The following CD99 variants were observed in gnomAD, a reference collection of about 807,000 sequenced individuals.
CD99 encodes the protein CD99 molecule (Xg blood group), also known as CD99 antigen.
Under a neutral mutation model 28.4 loss-of-function variants are expected in CD99, and 19 were observed. That is an observed-to-expected ratio of 0.67 (90% CI 0.47 to 0.98). CD99 has a LOEUF of 0.98. CD99 is among the 50% of genes least tolerant of loss of function. CD99 has a pLI of 0.00. For synonymous variants in CD99, 103 were observed against 92.1 expected (o/e 1.12, Z -0.67); for missense variants, 283 against 248.8 (o/e 1.14, Z -0.92).
In CD99 at chrX:2,736,214, A is replaced by G. The variant is rs755973171; in HGVS notation, c.476-1986A>G. Among the ~76,000 whole-genome samples the G allele has an allele frequency of 3.7e-4, 56 of 151,544 alleles. No individual in the cohort carries two copies. The East Asian group carries it at 9.3e-3, about 25-fold the overall frequency. ...AAGACTCTGTCTCAAAAAAAAAAAAAAAAGAAAAGAAAAAGAAAAGTTACG... is the reference window on the plus strand; with the variant it reads ...AAGACTCTGTCTCAAAAAAAAAAAAGAAAGAAAAGAAAAAGAAAAGTTACG... On this transcript the variant is annotated intron_variant, in intron 8 of 9. Coordinates refer to ENST00000381192, the MANE Select transcript of CD99 (RefSeq NM_002414.5).
intron 8 of CD99, among the ~76,000 whole-genome samples, chrX:2,728,416 G>A (rs186687487): frequency 0.01 from 1,548 of 151,846 alleles, 31 homozygotes; most frequent in African/African-American, 0.034. Context: ...GGCTGGTCTC[G>A]AACTCCTGAC....
At chrX:2,720,278 C>T in intron 4 of CD99, 78 bp from the exon 5 acceptor site, 3 of 1,290,254 alleles carry the variant, frequency 2.3e-6, no homozygotes, top group Non-Finnish European at 3.4e-6. Context: ...GTTCAGGGAA[C>T]CATCTGTGTG....
chrX:2,717,464 G>A (rs1308933733), intron 2 of CD99, 141 bp from the exon 3 acceptor site: 5 of 686,134 alleles, frequency 7.3e-6, no homozygotes, highest in Admixed American at 2.4e-5. Context: ...ACCTCAGCTC[G>A]GTGTGGGCAG....
At chrX:2,726,753 CCT>C (rs2124171582) in intron 8 of CD99, among the ~76,000 whole-genome samples, 1 of 152,226 alleles carries the variant, frequency 6.6e-6, no homozygotes, top group South Asian at 2.1e-4. Flanking sequence ...TCATTCCTGC[CCT>C]GTTATTTACA....
chrX:2,707,909 T>A (rs2048199860), intron 1 of CD99, among the ~76,000 whole-genome samples: 1 of 152,152 alleles, frequency 6.6e-6, no homozygotes, highest in Non-Finnish European at 1.5e-5. Flanking sequence ...CGCAATTTCC[T>A]GCCTACCACC....
chrX:2,718,377 T>TA (rs1405138176), intron 3 of CD99, among the ~76,000 whole-genome samples: 1 of 150,930 alleles, frequency 6.6e-6, no homozygotes, highest in Non-Finnish European at 1.5e-5. Context: ...TTCTTTTTTT[T>TA]TTTTTTTTTG....
At chrX:2,723,557 G>A (rs961433651) in intron 7 of CD99, 193 bp downstream of exon 7, 66 of 655,050 alleles carry the variant, frequency 1.0e-4, no homozygotes, top group African/African-American at 7.8e-4. Flanking sequence ...GCCCTGCTCC[G>A]GGTGCCCACG....
intron 5 of CD99, among the ~76,000 whole-genome samples, chrX:2,720,959 A>G (rs1190002079): frequency 2.6e-5 from 4 of 152,286 alleles, no homozygotes; most frequent in Non-Finnish European, 5.9e-5. Flanking sequence ...GTTCCATCTT[A>G]TGGAACTTCT....
intron 8 of CD99, among the ~76,000 whole-genome samples, chrX:2,735,926 G>A (rs963551874): frequency 4.6e-5 from 7 of 152,050 alleles, no homozygotes; most frequent in African/African-American, 1.7e-4. Flanking sequence ...CTGCTGGCTT[G>A]GCACGGTGGT....
intron 4 of CD99, 104 bp from the exon 5 acceptor site, chrX:2,720,252 C>G: frequency 2.0e-6 from 2 of 1,025,498 alleles, no homozygotes; most frequent in Non-Finnish European, 3.1e-6. Context: ...AGGACAAAGG[C>G]CAAGGTCCAA....
intron 1 of CD99, among the ~76,000 whole-genome samples, chrX:2,698,655 C>T (rs1174192252): frequency 6.6e-6 from 1 of 152,180 alleles, no homozygotes; most frequent in African/African-American, 2.4e-5. Context: ...TTTGTAGATA[C>T]AGAGTTTTGT....
chrX:2,698,672 G>A (rs2047691408), intron 1 of CD99, among the ~76,000 whole-genome samples: 1 of 152,036 alleles, frequency 6.6e-6, no homozygotes, highest in Admixed American at 6.5e-5. Flanking sequence ...TTGTTCTGTC[G>A]CCCAGGCTGG....
At chrX:2,735,511 C>G (rs311092) in intron 8 of CD99, among the ~76,000 whole-genome samples, 75,796 of 151,838 alleles carry the variant, frequency 0.5, 19,342 homozygotes, top group African/African-American at 0.61. Flanking sequence ...CTTTTCAATG[C>G]AGTTTTTCCC....
chrX:2,741,067 AGGCT>A lies in CD99; in HGVS notation c.*267_*270del. 1.9e-6 allele frequency: 1 copy of A among 537,534 alleles called. No individual in the cohort carries two copies. The highest frequency in any genetic ancestry group is 2.9e-5 in the East Asian group (1 of 34,058). The allele number at this position is 537,534 out of a possible 1,614,324, so 33.3% of individuals were successfully genotyped here. ...GGGGCGGTTTCCCATGGGATGTGAA[AGGCT>A]GGCCATTATTAAGTCCCTGTAACTC... On this transcript the variant is annotated 3_prime_UTR_variant, in exon 10 of 10. Transcript: ENST00000381192.
intron 1 of CD99, among the ~76,000 whole-genome samples, chrX:2,712,600 T>C (rs1243806414): frequency 3.9e-5 from 6 of 152,092 alleles, no homozygotes; most frequent in African/African-American, 1.4e-4. Flanking sequence ...GGAGCTGTAA[T>C]TGCATTTATG....
At chrX:2,706,354 T>A (rs311053) in intron 1 of CD99, among the ~76,000 whole-genome samples, 26 of 152,008 alleles carry the variant, frequency 1.7e-4, no homozygotes, top group African/African-American at 5.8e-4. Context: ...AGAGACACTC[T>A]GTCTCAAAAA....
At position 2,719,704 on chromosome X, in the gene CD99, T is replaced by C; in HGVS notation, c.192T>C (p.Asn64=). 6.2e-7 allele frequency: 1 copy of C among 1,613,650 alleles called. No individual in the cohort carries two copies. The highest frequency in any genetic ancestry group is 8.5e-7 in the Non-Finnish European group (1 of 1,179,634). Residue 64 remains asparagine (N), a splice_region_variant and synonymous_variant, in exon 4 of 10, where the codon AAT becomes AAC. Transcript: ENST00000381192. The stretch of plus-strand genomic sequence containing the variant: ...GAGATGCTGTTGTTGATGGAGAAAA[T>C]GGTGAGTATTTTCCTTTAATCTCTT... ...DLGDAVVDGE[N]DDPRPPNPPK...
intron 1 of CD99, among the ~76,000 whole-genome samples, chrX:2,711,238 T>C (rs1446517633): frequency 2.7e-5 from 4 of 147,794 alleles, no homozygotes; most frequent in Non-Finnish European, 5.9e-5. Context: ...ATATATAATA[T>C]ATATATGTGT....
intron 1 of CD99, among the ~76,000 whole-genome samples, chrX:2,709,373 A>G (rs2048277991): frequency 1.3e-5 from 2 of 152,190 alleles, no homozygotes; most frequent in South Asian, 4.1e-4. Flanking sequence ...GTGCTCAGAT[A>G]GCACCCTCAC....
Sources: gnomAD v4.1 joint callset for allele counts (sites outside exome capture counted in the v4.1 genomes callset) on GRCh38, gnomAD v4.1.1 for gene constraint, MANE v1.5 for transcripts, NCBI Gene and HGNC (gene_info 2026-07-23, HGNC 2026-07-21) for gene names.